The following NAALADL2 variants were observed in gnomAD, a reference collection of about 807,000 sequenced individuals.
NAALADL2 encodes the protein N-acetylated alpha-linked acidic dipeptidase like 2.
In NAALADL2, 76 loss-of-function variants were observed where a neutral mutation model predicts 87.2. The ratio of observed to expected loss-of-function variants is 0.87; its 90% CI spans 0.72 to 1.05. NAALADL2 has a LOEUF of 1.05. Ranked by LOEUF, NAALADL2 falls within the 50% of genes least tolerant of loss-of-function variation. The pLI is 0.00. For synonymous variants in NAALADL2, 354 were observed against 331.0 expected, an observed-to-expected ratio of 1.07 and a Z score of -0.75; for missense variants, 1,089 against 945.8, an observed-to-expected ratio of 1.15 and a Z score of -1.99.
At chr3:175,534,338 C>T (rs1035806985) in intron 9 of NAALADL2, among the ~76,000 whole-genome samples, 2 of 152,016 alleles carry the variant, frequency 1.3e-5, no homozygotes, top group Non-Finnish European at 2.9e-5. Flanking sequence ...TCACAAGGTC[C>T]CACAATAGGC....
chr3:175,097,086 G>A lies in NAALADL2; in HGVS notation c.340G>A (p.Ala114Thr), dbSNP rs777195516. Residue 114 changes from alanine to threonine, a missense_variant, in exon 2 of 14, where the codon GCA (alanine) becomes ACA (threonine). By Grantham distance (58) the Ala-to-Thr change is moderately conservative. Coordinates refer to ENST00000454872, the MANE Select transcript of NAALADL2 (RefSeq NM_207015.3). ...SDYITHYTRS[A>T]PKSNRCNFCH... The stretch of plus-strand genomic sequence containing the variant: ...CTACATTACCCATTATACACGATCT[G>A]CACCAAAGAGCAATCGCTGCAACTT... 4 of 1,613,614 alleles carry A rather than the reference G, an allele frequency of 2.5e-6. No individual in the cohort carries two copies. In the Admixed American group the frequency reaches 6.7e-5, roughly 27 times the overall value.
intron 1 of NAALADL2, among the ~76,000 whole-genome samples, chr3:175,053,064 C>T (rs746298062): frequency 7.9e-5 from 12 of 152,130 alleles, no homozygotes; most frequent in Admixed American, 4.6e-4. Context: ...TAAATAAGTA[C>T]GTTCATTTTT....
chr3:175,417,008 A>C (rs1271768220), intron 5 of NAALADL2, among the ~76,000 whole-genome samples: 1 of 151,486 alleles, frequency 6.6e-6, no homozygotes, highest in Non-Finnish European at 1.5e-5. Context: ...ATAGAGCACT[A>C]AGCAATTGTT....
intron 3 of NAALADL2, among the ~76,000 whole-genome samples, chr3:174,827,468 G>A (rs531364379): frequency 6.6e-6 from 1 of 152,248 alleles, no homozygotes; most frequent in South Asian, 2.1e-4. Flanking sequence ...CAACATCAGA[G>A]CAAGTCTGTT....
chr3:175,738,406 C>G lies in NAALADL2; in HGVS notation c.1990+1007C>G, dbSNP rs904708465. ...GGAACTACAGGCACATGCCACCACACCCGGCTAATATTTGTATTTCAGTAG... is the reference window on the plus strand; with the variant it reads ...GGAACTACAGGCACATGCCACCACAGCCGGCTAATATTTGTATTTCAGTAG... On this transcript the variant is annotated intron_variant, in intron 12 of 13. Coordinates refer to ENST00000454872, the MANE Select transcript of NAALADL2 (RefSeq NM_207015.3). Among the ~76,000 whole-genome samples the G allele has an allele frequency of 5.3e-5, 8 of 152,220 alleles. No homozygotes were observed. In the South Asian group the frequency reaches 1.5e-3, roughly 28 times the overall value.
At chr3:175,311,159 TAAAAG>T (rs1292420968) in intron 4 of NAALADL2, among the ~76,000 whole-genome samples, 1 of 151,066 alleles carries the variant, frequency 6.6e-6, no homozygotes, top group Non-Finnish European at 1.5e-5. Context: ...TTTCTGAAAA[TAAAAG>T]AAATGAGGAA....
Position 174,628,016 on chromosome 3 carries a change from C to T in NAALADL2, c.-115+77379C>T, listed in dbSNP as rs145288431. Among the ~76,000 whole-genome samples the T allele has an allele frequency of 2.0e-3, 298 of 152,246 alleles. 2 individuals carry two copies. The highest frequency in any genetic ancestry group is 6.7e-3 in the African/African-American group (277 of 41,540). The stretch of plus-strand genomic sequence containing the variant: ...GTGCACTATTCAGGTGATGGATGCA[C>T]TGAAAGCCCAGACTTCACCATTGTG... On this transcript the variant is annotated intron_variant, in intron 2 of 3. Coordinates refer to the NAALADL2 transcript ENST00000434257.
In NAALADL2 at chr3:175,354,669, A is replaced by T. The variant is rs546471453; in HGVS notation, c.1090+30344A>T. On this transcript the variant is annotated intron_variant, in intron 5 of 13. Transcript: ENST00000454872. ...CTATTATTTTTGTTTTTAGAGATGG[A>T]ATCTTGCTATGTTTCCAGGCTAGAG... Among the ~76,000 whole-genome samples the T allele has an allele frequency of 6.6e-5, 10 of 152,020 alleles. No individual in the cohort carries two copies. The South Asian group carries it at 2.1e-3, about 32-fold the overall frequency.
At chr3:175,034,894 C>A (rs1040031745) in intron 1 of NAALADL2, among the ~76,000 whole-genome samples, 3 of 152,116 alleles carry the variant, frequency 2.0e-5, no homozygotes, top group East Asian at 1.9e-4. Flanking sequence ...TTATTACTAT[C>A]TTTTATATAT....
At chr3:175,080,202 T>A (rs1361907075) in intron 1 of NAALADL2, among the ~76,000 whole-genome samples, 2 of 152,182 alleles carry the variant, frequency 1.3e-5, no homozygotes, top group Admixed American at 1.3e-4. Flanking sequence ...CCTGACCTCG[T>A]GATCCACGCA....
At chr3:174,857,740 A>G (rs1002688408), upstream of NAALADL2, among the ~76,000 whole-genome samples, 2 of 152,140 alleles carry the variant, frequency 1.3e-5, no homozygotes, top group African/African-American at 2.4e-5. Context: ...AGCAAACCAC[A>G]ACCCAGATTT....
intron 2 of NAALADL2, among the ~76,000 whole-genome samples, chr3:174,602,610 T>C (rs1281104203): frequency 5.3e-5 from 8 of 152,064 alleles, no homozygotes; most frequent in Non-Finnish European, 1.2e-4. Flanking sequence ...GGATGCCCTT[T>C]ATTTCTTTGT....
At chr3:174,572,179 A>C (rs1389085102) in intron 2 of NAALADL2, among the ~76,000 whole-genome samples, 1 of 152,024 alleles carries the variant, frequency 6.6e-6, no homozygotes, top group Non-Finnish European at 1.5e-5. Flanking sequence ...TCCAGGCTGG[A>C]GTGCAGTGGT....
At chr3:175,424,811 G>C (rs1716501028) in intron 5 of NAALADL2, among the ~76,000 whole-genome samples, 1 of 151,942 alleles carries the variant, frequency 6.6e-6, no homozygotes, top group South Asian at 2.1e-4. Flanking sequence ...GTGTAGAAAG[G>C]CCAAGCACTG....
At chr3:174,837,480 A>G (rs1051115713) in intron 3 of NAALADL2, among the ~76,000 whole-genome samples, 6 of 152,200 alleles carry the variant, frequency 3.9e-5, no homozygotes, top group African/African-American at 1.4e-4. Context: ...GTAACAAGCA[A>G]TGAGATTGAA....
chr3:175,131,793 C>T (rs1283431569), intron 2 of NAALADL2, among the ~76,000 whole-genome samples: 16 of 148,124 alleles, frequency 1.1e-4, no homozygotes, highest in Non-Finnish European at 2.0e-4. Context: ...ACCTCCCTCC[C>T]GGACGGGGGG....
chr3:174,668,121 T>C (rs1347386509), intron 2 of NAALADL2, among the ~76,000 whole-genome samples: 2 of 152,140 alleles, frequency 1.3e-5, no homozygotes, highest in African/African-American at 4.8e-5. Context: ...TGATTAGTAA[T>C]GTTTGGCATC....
intron 1 of NAALADL2, among the ~76,000 whole-genome samples, chr3:174,514,205 A>G (rs1356096536): frequency 6.6e-6 from 1 of 152,122 alleles, no homozygotes; most frequent in Non-Finnish European, 1.5e-5. Context: ...ATGATGCTCC[A>G]TATTTTGCCC....
At chr3:174,650,576 T>A (rs1560117759) in intron 2 of NAALADL2, among the ~76,000 whole-genome samples, 1 of 152,110 alleles carries the variant, frequency 6.6e-6, no homozygotes, top group Admixed American at 6.5e-5. Flanking sequence ...TCTTAAGAAT[T>A]TTTGTTTTCC....
Sources: allele counts gnomAD v4.1 joint callset (sites outside exome capture counted in the v4.1 genomes callset), GRCh38; gene constraint gnomAD v4.1.1; transcripts MANE v1.5; gene names NCBI Gene and HGNC (gene_info 2026-07-23, HGNC 2026-07-21).